The following MB variants were observed in gnomAD, a reference collection of about 807,000 sequenced individuals.
The protein encoded by MB is nitrite reductase MB.
In MB, 10 loss-of-function variants were observed where a neutral mutation model predicts 14.5. The observed-to-expected ratio is 0.69, with a 90% confidence interval of 0.43 to 1.17. The LOEUF is 1.17. Among genes scored for constraint, MB ranks in the 50% most tolerant of loss-of-function variants. The pLI, the probability that MB is intolerant of heterozygous loss-of-function variation, is 0.00. For missense variants in MB, 169 were observed against 192.7 expected (o/e 0.88, Z 0.73); for synonymous variants, 89 against 78.6 (o/e 1.13, Z -0.70).
upstream of MB, among the ~76,000 whole-genome samples, chr22:35,620,811 G>A (rs575280390): frequency 1.3e-5 from 2 of 152,148 alleles, no homozygotes; most frequent in African/African-American, 4.8e-5. Context: ...CCCGTCTCTG[G>A]CCTCCTGAGT....
At chr22:35,611,486 G>A (rs1922626795) in intron 1 of MB, among the ~76,000 whole-genome samples, 1 of 152,166 alleles carries the variant, frequency 6.6e-6, no homozygotes, top group African/African-American at 2.4e-5. Context: ...TCTAGTCCAC[G>A]CTGCGACCAT....
chr22:35,622,681 T>G (rs962290539), intron 1 of MB: 1 of 152,328 alleles, frequency 6.6e-6, no homozygotes, highest in African/African-American at 2.4e-5. Context: ...TCCTAATCCC[T>G]TAGTCAACAG....
At chr22:35,619,916 G>A (rs1375596059), upstream of MB, among the ~76,000 whole-genome samples, 2 of 152,196 alleles carry the variant, frequency 1.3e-5, no homozygotes, top group African/African-American at 2.4e-5. Flanking sequence ...CAGAGGCACC[G>A]GCTGCACCTC....
At chr22:35,612,100 T>G (rs1922676422) in intron 1 of MB, among the ~76,000 whole-genome samples, 1 of 152,198 alleles carries the variant, frequency 6.6e-6, no homozygotes, top group South Asian at 2.1e-4. Flanking sequence ...CTTTCCCTTG[T>G]GCCACAGCTG....
At chr22:35,616,563 C>T (rs763313924) in intron 1 of MB, among the ~76,000 whole-genome samples, 1 of 152,120 alleles carries the variant, frequency 6.6e-6, no homozygotes, top group Non-Finnish European at 1.5e-5. Flanking sequence ...CCATGCCAGG[C>T]CTCTTGCATG....
Position 35,610,779 on chromosome 22 carries a change from G to A in MB, c.318+105C>T, listed in dbSNP as rs917880740. ...CTGGGGCACAGAGAAGAGTGGCATA[G>A]GTCATCCCACAAGTTAGTGGCTGAG... On this transcript the variant is annotated intron_variant, in intron 2 of 2. Transcript: ENST00000397326. 3 of 847,454 alleles carry A rather than the reference G, an allele frequency of 3.5e-6. No individual in the cohort carries two copies. In the African/African-American group the frequency reaches 5.0e-5, roughly 14 times the overall value. 52.5% of individuals were successfully genotyped at this position (847,454 alleles called of 1,614,324 possible).
chr22:35,615,260 C>T (rs1038928956), intron 1 of MB, among the ~76,000 whole-genome samples: 2 of 152,170 alleles, frequency 1.3e-5, no homozygotes, highest in African/African-American at 4.8e-5. Flanking sequence ...GCATGAGCCT[C>T]CTCCACCCTG....
chr22:35,612,026 C>T (rs978593641), intron 1 of MB, among the ~76,000 whole-genome samples: 1 of 152,198 alleles, frequency 6.6e-6, no homozygotes, highest in Admixed American at 6.5e-5. Flanking sequence ...GCCAAGGTCA[C>T]TTGGCTAGCT....
intron 1 of MB, among the ~76,000 whole-genome samples, chr22:35,612,916 G>A (rs1482058373): frequency 1.3e-5 from 2 of 151,944 alleles, no homozygotes; most frequent in East Asian, 1.9e-4. Flanking sequence ...CCCAGCACAC[G>A]CCATACTCAC....
At chr22:35,607,730 C>A (rs1203039897) in intron 2 of MB, among the ~76,000 whole-genome samples, 1 of 152,116 alleles carries the variant, frequency 6.6e-6, no homozygotes, top group Non-Finnish European at 1.5e-5. Flanking sequence ...CTCCGGAGCC[C>A]ACGCTCTTAC....
chr22:35,614,996 C>T (rs1188114432), intron 1 of MB, among the ~76,000 whole-genome samples: 1 of 152,154 alleles, frequency 6.6e-6, no homozygotes, highest in African/African-American at 2.4e-5. Flanking sequence ...CTCAGCAGCC[C>T]CCTCCCTTCC....
upstream of MB, among the ~76,000 whole-genome samples, chr22:35,621,171 C>T (rs1374017713): frequency 1.3e-5 from 2 of 152,200 alleles, no homozygotes; most frequent in East Asian, 3.8e-4. Context: ...AGCCAGGCTG[C>T]CTTTGTGTGC....
rs776012251 is a variant in MB, at chr22:35,617,180, C to T, written c.78G>A (p.Gly26=). 1.5e-5 allele frequency: 24 copies of T among 1,613,710 alleles called. No individual in the cohort carries two copies. In the Middle Eastern group the frequency reaches 9.9e-4, roughly 66 times the overall value. ...CCTTTTACCTGATGAGGACTTCCTG[C>T]CCATGGCCTGGGATGTCAGCCTCCA... The part of the protein sequence containing the change: ...GKVEADIPGH[G]QEVLIRLFKG... The change falls in exon 1 of 3, where the codon GGG becomes GGA. Residue 26 remains glycine, a synonymous_variant. Transcript: ENST00000397326.
intron 1 of MB, 88 bp downstream of exon 1, chr22:35,617,075 A>T (rs746246674): frequency 8.2e-6 from 8 of 978,938 alleles, no homozygotes; most frequent in Non-Finnish European, 1.2e-5. Flanking sequence ...CAACTGACCT[A>T]CCCCACGTGC....
chr22:35,614,480 C>T (rs773373603), intron 1 of MB, among the ~76,000 whole-genome samples: 146 of 124,254 alleles, frequency 1.2e-3, no homozygotes, highest in Non-Finnish European at 2.1e-3. Context: ...CCCAGCAAGA[C>T]TCCATCTCAA....
Position 35,608,574 on chromosome 22 carries a change from C to G in MB, c.319-1131G>C, listed in dbSNP as rs1922328644. The stretch of plus-strand genomic sequence containing the variant: ...AGGGGCAGCTCCACAAACGCCTACT[C>G]TTGGGCATCAAGGTGGATGCTTGAC... On this transcript the variant is annotated intron_variant, in intron 2 of 2. Transcript: ENST00000397326. The surrounding 1 kb of genome is among the most constrained non-coding windows in gnomAD (Gnocchi z 4.3). Among the ~76,000 whole-genome samples the G allele has an allele frequency of 6.6e-6, 1 of 152,244 alleles. No individual in the cohort carries two copies. Among genetic ancestry groups the G allele is most frequent in the South Asian group, 2.1e-4 (1 of 4,830 alleles).
chr22:35,609,740 A>G (rs1339321725), intron 2 of MB, among the ~76,000 whole-genome samples: 1 of 152,210 alleles, frequency 6.6e-6, no homozygotes, highest in East Asian at 1.9e-4. Flanking sequence ...CGTCCACAAT[A>G]TCCATTTCCC....
chr22:35,621,325 T>G (rs1319848913), upstream of MB, among the ~76,000 whole-genome samples: 1 of 152,144 alleles, frequency 6.6e-6, no homozygotes, highest in Non-Finnish European at 1.5e-5. Context: ...TATCACAGGA[T>G]CCTTTGAATC....
intron 1 of MB, among the ~76,000 whole-genome samples, chr22:35,612,967 T>C (rs2145917166): frequency 6.6e-6 from 1 of 152,154 alleles, no homozygotes; most frequent in South Asian, 2.1e-4. Context: ...CTGAACCACA[T>C]ACACTCCCTT....
Sources: allele counts gnomAD v4.1 joint callset (sites outside exome capture counted in the v4.1 genomes callset), GRCh38; gene constraint gnomAD v4.1.1; non-coding constraint Gnocchi (gnomAD v3.1); transcripts MANE v1.5; gene names NCBI Gene and HGNC (gene_info 2026-07-23, HGNC 2026-07-21).